Variants in CNOT4 observed in about 807,000 individuals in gnomAD.
CNOT4 encodes the protein CCR4-associated factor 4.
A neutral mutation model predicts 73.8 loss-of-function variants in CNOT4; 8 were observed. The ratio of observed to expected loss-of-function variants is 0.11; its 90% CI spans 0.06 to 0.20. The LOEUF is 0.20. CNOT4 is among the 10% of genes least tolerant of loss of function. The pLI, the probability that CNOT4 is intolerant of heterozygous loss-of-function variation, is 1.00. For missense variants in CNOT4, 564 were observed against 883.4 expected, an observed-to-expected ratio of 0.64 and a Z score of 4.58; for synonymous variants, 293 against 321.1, an observed-to-expected ratio of 0.91 and a Z score of 0.94.
intron 1 of CNOT4, among the ~76,000 whole-genome samples, chr7:135,505,181 C>T (rs773630822): frequency 6.6e-6 from 1 of 152,118 alleles, no homozygotes; most frequent in Non-Finnish European, 1.5e-5. Context: ...AATAGCAATA[C>T]ATCATCTGCC....
At chr7:135,476,080 G>A (rs1357432509) in intron 1 of CNOT4, among the ~76,000 whole-genome samples, 1 of 152,076 alleles carries the variant, frequency 6.6e-6, no homozygotes, top group Non-Finnish European at 1.5e-5. Context: ...CATCCTTGGA[G>A]GATCAGTCTA....
intron 1 of CNOT4, among the ~76,000 whole-genome samples, chr7:135,466,402 A>G (rs1801222683): frequency 6.6e-6 from 1 of 151,384 alleles, no homozygotes; most frequent in Non-Finnish European, 1.5e-5. Context: ...TGAACCCAAA[A>G]GGCAGAGGTT....
Position 135,362,208 on chromosome 7 carries a change from T to A in CNOT4, c.*677A>T, listed in dbSNP as rs1366719163. ...TTTAAATCTAAAGCCAAAAAATTTT[T>A]CTCCTTTAAAAAAATTACTTCTCAC... On this transcript the variant is annotated 3_prime_UTR_variant, in exon 12 of 12. Coordinates refer to ENST00000541284, the MANE Select transcript of CNOT4 (RefSeq NM_001190850.2). 2 of 152,568 alleles carry A rather than the reference T, an allele frequency of 1.3e-5. No homozygotes were observed. Among genetic ancestry groups the A allele is most frequent in the Non-Finnish European group, 2.9e-5 (2 of 68,334 alleles). 9.5% of individuals were successfully genotyped at this position (152,568 alleles called of 1,614,324 possible).
intron 2 of CNOT4, among the ~76,000 whole-genome samples, chr7:135,433,445 C>A (rs1315047745): frequency 1.3e-5 from 2 of 150,442 alleles, no homozygotes; most frequent in African/African-American, 4.9e-5. Context: ...TAGCTTCAAC[C>A]TCCTGGGTTC....
intron 1 of CNOT4, among the ~76,000 whole-genome samples, chr7:135,470,784 G>C (rs766552696): frequency 6.6e-5 from 10 of 152,108 alleles, no homozygotes; most frequent in Admixed American, 5.2e-4. Flanking sequence ...CCACAACTAA[G>C]CTCTGGTGAC....
chr7:135,479,803 T>C (rs914814138), intron 1 of CNOT4, among the ~76,000 whole-genome samples: 2 of 151,966 alleles, frequency 1.3e-5, no homozygotes, highest in African/African-American at 2.4e-5. Flanking sequence ...GGCAGGAGGA[T>C]TGCTTGAGCC....
chr7:135,448,346 C>A (rs995637849), intron 1 of CNOT4, among the ~76,000 whole-genome samples: 1 of 151,996 alleles, frequency 6.6e-6, no homozygotes, highest in Non-Finnish European at 1.5e-5. Context: ...AGTTCGAGAC[C>A]AGCCTGGCCA....
At chr7:135,410,121 G>A (rs978525048) in intron 7 of CNOT4, among the ~76,000 whole-genome samples, 2 of 152,014 alleles carry the variant, frequency 1.3e-5, no homozygotes, top group Non-Finnish European at 2.9e-5. Context: ...CAACACACAA[G>A]GCTTCCTTCA....
rs1334983146 is a variant in CNOT4, at chr7:135,422,369, A to G, written c.175-16T>C. On this transcript the variant is annotated splice_polypyrimidine_tract_variant and intron_variant, in intron 2 of 11. Transcript: ENST00000541284. ...CTGGATATGGCTTTAAGCATGAAAC[A>G]AACATAGACGTTAGCATTAAATTAA... 1.7e-6 allele frequency: 2 copies of G among 1,200,704 alleles called. No individual in the cohort carries two copies. The highest frequency in any genetic ancestry group is 4.7e-5 in the East Asian group (2 of 43,002). 74.4% of individuals were successfully genotyped at this position (1,200,704 alleles called of 1,614,324 possible). A position where few individuals can be genotyped will look rare whatever the true frequency, so the allele number is the denominator to read the frequency against.
intron 1 of CNOT4, among the ~76,000 whole-genome samples, chr7:135,456,434 G>T (rs1420852103): frequency 6.6e-6 from 1 of 151,978 alleles, no homozygotes; most frequent in African/African-American, 2.4e-5. Context: ...TCTTCCTGAA[G>T]AAATCTTTTG....
intron 2 of CNOT4, among the ~76,000 whole-genome samples, chr7:135,424,814 C>CT (rs1554432754): frequency 6.6e-6 from 1 of 150,714 alleles, no homozygotes; most frequent in Non-Finnish European, 1.5e-5. Flanking sequence ...AACAAACAAA[C>CT]AAAAAAAAAC....
At chr7:135,446,601 G>C (rs2718168) in intron 1 of CNOT4, among the ~76,000 whole-genome samples, 94,877 of 151,824 alleles carry the variant, frequency 0.62, 29,844 homozygotes, top group East Asian at 0.76. Context: ...GCTAGTGCAA[G>C]TCCACTGAAT....
At chr7:135,384,291 T>TC (rs1795998686) in intron 10 of CNOT4, 23 of 144,766 alleles carry the variant, frequency 1.6e-4, no homozygotes, top group Non-Finnish European at 2.8e-4. Flanking sequence ...CTCTCTCTCT[T>TC]TTTTTTTTTT....
At chr7:135,399,118 C>T (rs1796863789) in intron 7 of CNOT4, among the ~76,000 whole-genome samples, 1 of 151,950 alleles carries the variant, frequency 6.6e-6, no homozygotes, top group Non-Finnish European at 1.5e-5. Flanking sequence ...AGCACTGCAA[C>T]AGTGTACTGA....
chr7:135,488,609 C>T (rs1437453339), intron 1 of CNOT4, among the ~76,000 whole-genome samples: 1 of 152,164 alleles, frequency 6.6e-6, no homozygotes, highest in Non-Finnish European at 1.5e-5. Flanking sequence ...TGAGTCAGTG[C>T]AGGTGTTTTG....
At chr7:135,464,931 A>G (rs1801126603) in intron 1 of CNOT4, among the ~76,000 whole-genome samples, 2 of 152,096 alleles carry the variant, frequency 1.3e-5, no homozygotes, top group African/African-American at 4.8e-5. Flanking sequence ...AGTTTTTCCT[A>G]AGGTACAAGA....
At chr7:135,368,595 G>A (rs772746293) in intron 10 of CNOT4, among the ~76,000 whole-genome samples, 2 of 152,184 alleles carry the variant, frequency 1.3e-5, no homozygotes, top group African/African-American at 2.4e-5. Flanking sequence ...GTTGGGACAC[G>A]TACGGGAACG....
At chr7:135,450,407 C>T (rs1800088212) in intron 1 of CNOT4, among the ~76,000 whole-genome samples, 1 of 152,084 alleles carries the variant, frequency 6.6e-6, no homozygotes, top group Non-Finnish European at 1.5e-5. Flanking sequence ...CAACCTTCGC[C>T]TCCTGGGTTC....
intron 1 of CNOT4, among the ~76,000 whole-genome samples, chr7:135,482,731 A>G (rs1296133319): frequency 6.6e-6 from 1 of 152,192 alleles, no homozygotes; most frequent in African/African-American, 2.4e-5. Context: ...CTGTAATCCC[A>G]GCACTTTGGG....
Sources: allele counts gnomAD v4.1 joint callset (sites outside exome capture counted in the v4.1 genomes callset), GRCh38; gene constraint gnomAD v4.1.1; transcripts MANE v1.5; gene names NCBI Gene and HGNC (gene_info 2026-07-23, HGNC 2026-07-21).